The following CTNNA3 variants were observed in gnomAD, a reference collection of about 807,000 sequenced individuals.
CTNNA3 encodes the protein catenin alpha-3.
In CTNNA3, 76 loss-of-function variants were observed where a neutral mutation model predicts 95.7. The observed-to-expected ratio is 0.79, with a 90% confidence interval of 0.66 to 0.96. CTNNA3 has a LOEUF of 0.96. Ranked by LOEUF, CTNNA3 falls within the 40% of genes least tolerant of loss-of-function variation. The pLI, the probability that CTNNA3 is intolerant of heterozygous loss-of-function variation, is 0.00. For missense variants in CTNNA3, 1,191 were observed against 1,089.8 expected, an observed-to-expected ratio of 1.09 and a Z score of -1.31; for synonymous variants, 431 against 374.4, an observed-to-expected ratio of 1.15 and a Z score of -1.74.
chr10:66,359,089 C>A (rs2394201), intron 12 of CTNNA3, among the ~76,000 whole-genome samples: 13,863 of 152,184 alleles, frequency 0.091, 772 homozygotes, highest in East Asian at 0.21. Context: ...AATATCAAAT[C>A]AGTTTTGACT....
chr10:66,237,902 A>G (rs1162736327), intron 13 of CTNNA3, among the ~76,000 whole-genome samples: 1 of 152,092 alleles, frequency 6.6e-6, no homozygotes, highest in Non-Finnish European at 1.5e-5. Context: ...AAATTCTTGC[A>G]TCTGTGGTTT....
intron 5 of CTNNA3, among the ~76,000 whole-genome samples, chr10:67,504,665 C>A (rs10997679): frequency 0.057 from 8,595 of 152,042 alleles, 258 homozygotes; most frequent in South Asian, 0.14. Context: ...CCAAGTCTAA[C>A]TTAAGATTCC....
chr10:66,152,752 C>T (rs1214269816), intron 13 of CTNNA3, among the ~76,000 whole-genome samples: 3 of 151,868 alleles, frequency 2.0e-5, no homozygotes, highest in East Asian at 1.9e-4. Context: ...TGTACACTAC[C>T]ATGAGCTTTG....
intron 13 of CTNNA3, among the ~76,000 whole-genome samples, chr10:66,170,456 C>G (rs1032515516): frequency 6.6e-6 from 1 of 151,822 alleles, no homozygotes; most frequent in African/African-American, 2.4e-5. Context: ...AACATTACTA[C>G]ATTTGGTCAA....
intron 1 of CTNNA3, among the ~76,000 whole-genome samples, chr10:67,656,153 G>C (rs1056503658): frequency 2.0e-5 from 3 of 152,080 alleles, no homozygotes; most frequent in African/African-American, 7.2e-5. Context: ...TGGTATGTTT[G>C]GCCTACCAAG....
intron 5 of CTNNA3, among the ~76,000 whole-genome samples, chr10:67,493,469 G>C (rs1014898865): frequency 2.0e-5 from 3 of 151,812 alleles, no homozygotes; most frequent in African/African-American, 7.3e-5. Flanking sequence ...GGCTGAGGCA[G>C]GGGAATGGCG....
intron 3 of CTNNA3, among the ~76,000 whole-genome samples, chr10:67,548,898 T>A (rs1330892079): frequency 1.3e-5 from 2 of 151,896 alleles, no homozygotes; most frequent in African/African-American, 2.4e-5. Context: ...AAAAAAAAAC[T>A]TACTACTTAA....
At chr10:67,684,700 T>C (rs1840696527) in intron 1 of CTNNA3, among the ~76,000 whole-genome samples, 1 of 152,160 alleles carries the variant, frequency 6.6e-6, no homozygotes, top group East Asian at 1.9e-4. Context: ...GTAGAAGTTG[T>C]TAGTTGAGCT....
chr10:66,977,963 A>T (rs1423903693), intron 7 of CTNNA3, among the ~76,000 whole-genome samples: 1 of 152,154 alleles, frequency 6.6e-6, no homozygotes, highest in Non-Finnish European at 1.5e-5. Context: ...CACTTAGTCA[A>T]ACTTTTATTC....
chr10:66,313,774 G>A (rs1450177127), intron 12 of CTNNA3, among the ~76,000 whole-genome samples: 1 of 152,172 alleles, frequency 6.6e-6, no homozygotes, highest in East Asian at 1.9e-4. Flanking sequence ...AATATATGCA[G>A]TAAAGCGTAA....
chr10:67,746,164 C>G (rs1841374195), intron 1 of CTNNA3, among the ~76,000 whole-genome samples: 1 of 152,166 alleles, frequency 6.6e-6, no homozygotes. Context: ...CACTTCCTGA[C>G]TTCAAAATTT....
chr10:66,391,115 A>T (rs1016971194), intron 11 of CTNNA3, among the ~76,000 whole-genome samples: 2 of 152,148 alleles, frequency 1.3e-5, no homozygotes, highest in Non-Finnish European at 2.9e-5. Context: ...AAACTTTAAC[A>T]AAATTTGCCC....
chr10:67,281,232 A>T lies in CTNNA3; in HGVS notation c.580-61362T>A, dbSNP rs576048497. On this transcript the variant is annotated intron_variant, in intron 5 of 17. Coordinates refer to ENST00000433211, the MANE Select transcript of CTNNA3 (RefSeq NM_013266.4). ...TAAATAAGACCAATAGTAGCAATAA[A>T]GACCTGTTTAGCATTTTCAAAGTTA... is the stretch of plus-strand genomic sequence containing the variant. 2.0e-5 allele frequency among the ~76,000 whole-genome samples: 3 copies of T among 152,352 alleles called. No homozygotes were observed. The East Asian group carries it at 5.8e-4, about 29-fold the overall frequency.
chr10:67,129,298 A>G (rs963405857), intron 7 of CTNNA3, among the ~76,000 whole-genome samples: 1 of 152,142 alleles, frequency 6.6e-6, no homozygotes, highest in Non-Finnish European at 1.5e-5. Flanking sequence ...AACATTAACC[A>G]TTTCATTTCA....
rs372746141 is a variant in CTNNA3 at position 65,966,741 on chromosome 10, T to C, written c.2271A>G (p.Pro757=). The C allele has an allele frequency of 5.6e-6, 9 of 1,608,490 alleles. No homozygotes were observed. Among genetic ancestry groups the C allele is most frequent in the African/African-American group, 4.0e-5 (3 of 74,954 alleles). Residue 757 remains proline (P), a synonymous_variant, in exon 17 of 18, where the codon CCA becomes CCG. Transcript: ENST00000433211. ...VLARQIANQC[P]DPSCKQDLLA... ...ACAAGTCCTGTTTACAAGATGGATC[T>C]GGGCACTAAATATGAATCAAAGATA...
chr10:67,276,790 T>C (rs923358808), intron 5 of CTNNA3, among the ~76,000 whole-genome samples: 2 of 152,036 alleles, frequency 1.3e-5, no homozygotes, highest in Non-Finnish European at 2.9e-5. Context: ...GACACAAAGG[T>C]TCATTACATT....
chr10:66,246,392 G>A (rs1391557476), intron 13 of CTNNA3, among the ~76,000 whole-genome samples: 2 of 151,994 alleles, frequency 1.3e-5, no homozygotes, highest in African/African-American at 4.8e-5. Context: ...TTGGCTGGCT[G>A]CAGCAGTACC....
At position 67,610,204 on chromosome 10, in the gene CTNNA3, T is replaced by C. The variant is rs137894150; in HGVS notation, c.100-3155A>G. ...TCAGATCCTCCATGCGCCAAATGTT[T>C]TCCATAGAATAGCCTGGGCTTTGAA... On this transcript the variant is annotated intron_variant, in intron 2 of 17. Transcript: ENST00000433211. Among the ~76,000 whole-genome samples, 15 of 152,330 alleles carry C rather than the reference T, an allele frequency of 9.8e-5. No individual in the cohort carries two copies. The East Asian group carries it at 2.9e-3, about 29-fold the overall frequency.
At chr10:66,026,460 A>G (rs10996836) in intron 15 of CTNNA3, among the ~76,000 whole-genome samples, 26,214 of 152,130 alleles carry the variant, frequency 0.17, 2,420 homozygotes, top group East Asian at 0.34. Context: ...ACTTCTATCA[A>G]AACAAAGTGA....
Sources: gnomAD v4.1 joint callset for allele counts (sites outside exome capture counted in the v4.1 genomes callset) on GRCh38, gnomAD v4.1.1 for gene constraint, MANE v1.5 for transcripts, NCBI Gene and HGNC (gene_info 2026-07-23, HGNC 2026-07-21) for gene names.